The following ITGAM variants were observed in gnomAD, a reference collection of about 807,000 sequenced individuals.
ITGAM encodes integrin subunit alpha M, also known as integrin alpha-M.
ITGAM carries 79 observed loss-of-function variants against 137.5 expected under a neutral mutation model. The ratio of observed to expected loss-of-function variants is 0.57; its 90% CI spans 0.48 to 0.69. ITGAM has a LOEUF of 0.69. Ranked by LOEUF, ITGAM falls within the 30% of genes least tolerant of loss-of-function variation. ITGAM has a pLI of 0.00. For missense variants in ITGAM, 1,343 were observed against 1,483.5 expected, an observed-to-expected ratio of 0.91 and a Z score of 1.56; for synonymous variants, 583 against 592.3, an observed-to-expected ratio of 0.98 and a Z score of 0.23.
chr16:31,274,315 G>A (rs1421250476), intron 8 of ITGAM, among the ~76,000 whole-genome samples: 1 of 152,160 alleles, frequency 6.6e-6, no homozygotes, highest in Non-Finnish European at 1.5e-5. Flanking sequence ...AACATCAGAA[G>A]AAAAAGAAAG....
chr16:31,267,863 C>T (rs28538299), intron 5 of ITGAM, among the ~76,000 whole-genome samples: 2 of 152,016 alleles, frequency 1.3e-5, no homozygotes, highest in Non-Finnish European at 2.9e-5. Context: ...AGGCTGGTCT[C>T]GAATTCCTGG....
intron 12 of ITGAM, among the ~76,000 whole-genome samples, chr16:31,295,412 T>C (rs1048497208): frequency 2.0e-5 from 3 of 151,978 alleles, no homozygotes; most frequent in Non-Finnish European, 4.4e-5. Context: ...GTTTTTCACC[T>C]CTCTGGTTAA....
chr16:31,276,580 T>C (rs1172608304), intron 9 of ITGAM, 91 bp from the exon 10 acceptor site: 13 of 864,164 alleles, frequency 1.5e-5, no homozygotes, highest in Non-Finnish European at 2.3e-5. Flanking sequence ...GATCTGCCCA[T>C]CTCAGGCTCT....
At chr16:31,283,288 C>T (rs1331176983) in intron 12 of ITGAM, among the ~76,000 whole-genome samples, 3 of 152,188 alleles carry the variant, frequency 2.0e-5, no homozygotes, top group African/African-American at 2.4e-5. Flanking sequence ...TGGGGAAGTT[C>T]TCCTGGATAA....
intron 12 of ITGAM, among the ~76,000 whole-genome samples, chr16:31,281,973 T>G (rs892219700): frequency 1.5e-4 from 23 of 152,254 alleles, no homozygotes; most frequent in Admixed American, 1.5e-3. Context: ...CATTTTGTTA[T>G]GTATCCAGTA....
chr16:31,317,914 G>A (rs1374695116), intron 14 of ITGAM, among the ~76,000 whole-genome samples: 1 of 152,130 alleles, frequency 6.6e-6, no homozygotes, highest in Admixed American at 6.6e-5. Context: ...TGTCAGGATA[G>A]TGCTTGCCTC....
chr16:31,265,810 G>T lies in ITGAM; in HGVS notation c.239-1G>T, dbSNP rs757748517. ...GACCATGCCCATATCTGTCCCCGCA[G>T]TCCCCGTGGAGGCCGTGAACATGTC... On this transcript the variant is annotated splice_acceptor_variant, in intron 3 of 29. Transcript: ENST00000544665. LOFTEE classifies it high-confidence loss of function. 2 of 1,613,846 alleles carry T rather than the reference G, an allele frequency of 1.2e-6. No homozygotes were observed. Among genetic ancestry groups the T allele is most frequent in the Admixed American group, 3.3e-5 (2 of 59,998 alleles).
intron 14 of ITGAM, among the ~76,000 whole-genome samples, chr16:31,304,183 G>GCA (rs1422263887): frequency 6.6e-6 from 1 of 152,048 alleles, no homozygotes; most frequent in Non-Finnish European, 1.5e-5. Flanking sequence ...GTATTTTATT[G>GCA]TGGTTTTAAT....
chr16:31,311,154 C>T (rs184424549), intron 14 of ITGAM, among the ~76,000 whole-genome samples: 1 of 152,224 alleles, frequency 6.6e-6, no homozygotes, highest in South Asian at 2.1e-4. Context: ...TAAAGACTTA[C>T]ATGTTAGTCC....
chr16:31,266,791 T>C (rs1037627498), intron 5 of ITGAM, among the ~76,000 whole-genome samples: 7 of 151,816 alleles, frequency 4.6e-5, no homozygotes, highest in Non-Finnish European at 5.9e-5. Flanking sequence ...TTGGGGACCA[T>C]CCTGGGGGGC....
intron 12 of ITGAM, among the ~76,000 whole-genome samples, chr16:31,282,418 A>G (rs914141165): frequency 1.3e-5 from 2 of 152,152 alleles, no homozygotes; most frequent in African/African-American, 4.8e-5. Context: ...CTGGGTGCAT[A>G]TATACTTAGG....
At position 31,278,013 on chromosome 16, in the gene ITGAM, T is replaced by G; in HGVS notation, c.1260T>G (p.Val420=). ...TACGGAACCGGGTGCAAAGCCTGGTTCTGGGGGCACCTCGATATCAGCACA... is the reference window on the plus strand; with the variant it reads ...TACGGAACCGGGTGCAAAGCCTGGTGCTGGGGGCACCTCGATATCAGCACA... ...IILRNRVQSL[V]LGAPRYQHIG... Residue 420 remains valine, a synonymous_variant, in exon 12 of 30, where the codon GTT becomes GTG. Transcript: ENST00000544665. 1 of 1,605,566 alleles carries G rather than the reference T, an allele frequency of 6.2e-7. No homozygotes were observed. Among genetic ancestry groups the G allele is most frequent in the Non-Finnish European group, 8.5e-7 (1 of 1,176,196 alleles).
chr16:31,330,944 T>C (rs576402377), intron 28 of ITGAM, among the ~76,000 whole-genome samples: 3 of 139,540 alleles, frequency 2.1e-5, no homozygotes, highest in African/African-American at 8.2e-5. Flanking sequence ...GCCATGGAGA[T>C]AGAGAGACAG....
intron 5 of ITGAM, among the ~76,000 whole-genome samples, chr16:31,270,743 ATGT>A (rs1438853481): frequency 4.7e-5 from 5 of 106,206 alleles, no homozygotes; most frequent in African/African-American, 1.9e-4. Context: ...ATATATATAT[ATGT>A]TTTTAACGTG....
chr16:31,263,334 A>G (rs1269823173), intron 2 of ITGAM, among the ~76,000 whole-genome samples: 1 of 152,234 alleles, frequency 6.6e-6, no homozygotes, highest in South Asian at 2.1e-4. Flanking sequence ...GTCATTTTGC[A>G]CATGTGCAAG....
chr16:31,325,073 G>A lies in ITGAM; in HGVS notation c.2363+42G>A, dbSNP rs202150443. On this transcript the variant is annotated intron_variant, in intron 19 of 29. Coordinates refer to ENST00000544665, the MANE Select transcript of ITGAM (RefSeq NM_000632.4). ...CCTCACCTCCTCCAGAGAAGGACCCGTACCATGACCCGCTCTTTTCTCCTC... is the reference window on the plus strand; with the variant it reads ...CCTCACCTCCTCCAGAGAAGGACCCATACCATGACCCGCTCTTTTCTCCTC... 2.5e-5 allele frequency: 39 copies of A among 1,534,668 alleles called. No homozygotes were observed. In the African/African-American group the frequency reaches 5.1e-4, roughly 20 times the overall value.
At position 31,332,852 on chromosome 16, in the gene ITGAM, TA is replaced by T. The variant is rs1040291531; in HGVS notation, c.*1148del. ...TGTTATTGCATCAATGCTGAGTTAA[TA>T]AATCAAATATATGTCATTTTTGCAT... On this transcript the variant is annotated 3_prime_UTR_variant, in exon 30 of 30. Transcript: ENST00000544665. 4 of 152,262 alleles carry T rather than the reference TA, an allele frequency of 2.6e-5. No individual in the cohort carries two copies. Among genetic ancestry groups the T allele is most frequent in the Admixed American group, 2.6e-4 (4 of 15,284 alleles). The allele number at this position is 152,262 out of a possible 1,614,324, so 9.4% of individuals were successfully genotyped here.
intron 12 of ITGAM, among the ~76,000 whole-genome samples, chr16:31,291,127 A>G (rs1339739824): frequency 6.6e-6 from 1 of 152,178 alleles, no homozygotes; most frequent in Non-Finnish European, 1.5e-5. Context: ...TAGTTCCAAT[A>G]TTGTTAAGAT....
At chr16:31,278,147 G>A in intron 12 of ITGAM, 38 bp downstream of exon 12, 1 of 1,571,102 alleles carries the variant, frequency 6.4e-7, no homozygotes, top group Non-Finnish European at 8.7e-7. Context: ...TGCAAACAGA[G>A]GCGCCCTGGG....
Sources: allele counts gnomAD v4.1 joint callset (sites outside exome capture counted in the v4.1 genomes callset), GRCh38; gene constraint gnomAD v4.1.1; transcripts MANE v1.5; gene names NCBI Gene and HGNC (gene_info 2026-07-23, HGNC 2026-07-21).